Variants in TBL1XR1 observed in about 807,000 individuals in gnomAD.
The protein encoded by TBL1XR1 is F-box-like/WD repeat-containing protein TBL1XR1.
In TBL1XR1, 5 loss-of-function variants were observed where a neutral mutation model predicts 66.9. That is an observed-to-expected ratio of 0.07 (90% CI 0.04 to 0.16). TBL1XR1 has a LOEUF of 0.16. Among genes scored for constraint, TBL1XR1 ranks in the 10% least tolerant of loss-of-function variants. TBL1XR1 has a pLI of 1.00. For missense variants in TBL1XR1, 238 were observed against 623.2 expected (o/e 0.38, Z 6.58); for synonymous variants, 210 against 206.0 (o/e 1.02, Z -0.17).
chr3:177,079,946 C>T (rs1721193283), intron 2 of TBL1XR1: 1 of 152,076 alleles, frequency 6.6e-6, no homozygotes, highest in Non-Finnish European at 1.5e-5. Context: ...GTTTCCTCAT[C>T]TGTAAAATGA....
At chr3:177,059,058 T>C (rs934843404) in intron 3 of TBL1XR1, among the ~76,000 whole-genome samples, 1 of 152,248 alleles carries the variant, frequency 6.6e-6, no homozygotes, top group Non-Finnish European at 1.5e-5. Context: ...CAAAACTATA[T>C]ACCTACTTGC....
intron 1 of TBL1XR1, among the ~76,000 whole-genome samples, chr3:177,133,659 T>C (rs939982643): frequency 6.6e-6 from 1 of 152,062 alleles, no homozygotes; most frequent in Non-Finnish European, 1.5e-5. Flanking sequence ...GCCAACACTT[T>C]GAGAGGCGGA....
At chr3:177,175,946 A>G (rs1734098078) in intron 1 of TBL1XR1, among the ~76,000 whole-genome samples, 1 of 151,252 alleles carries the variant, frequency 6.6e-6, no homozygotes, top group Non-Finnish European at 1.5e-5. Flanking sequence ...AGTCCCAGCT[A>G]CTCAGGAGGC....
chr3:177,106,061 T>C (rs902685850), intron 1 of TBL1XR1, among the ~76,000 whole-genome samples: 7 of 151,276 alleles, frequency 4.6e-5, no homozygotes, highest in African/African-American at 1.7e-4. Flanking sequence ...ACTCAATCTG[T>C]CTCCCAAAAA....
At chr3:177,087,513 G>C (rs542548825) in intron 2 of TBL1XR1, among the ~76,000 whole-genome samples, 30 of 152,190 alleles carry the variant, frequency 2.0e-4, no homozygotes, top group Middle Eastern at 6.8e-3. Flanking sequence ...AGAGAAAATA[G>C]GCATGGTGAA....
In TBL1XR1 at chr3:177,047,156, T is replaced by G. The variant is rs116367511; in HGVS notation, c.864+144A>C. ...GTAAGTAGATTCAGAAATGAGCTGA[T>G]AGACCTAAGGAGTATTTCTAGCATA... On this transcript the variant is annotated intron_variant, in intron 9 of 15. Transcript: ENST00000457928. The G allele has an allele frequency of 1.3e-3, 795 of 631,462 alleles. 4 individuals carry two copies. The highest frequency in any genetic ancestry group is 0.012 in the African/African-American group (674 of 54,472). The allele number at this position is 631,462 out of a possible 1,614,324, so 39.1% of individuals were successfully genotyped here.
chr3:177,051,589 G>C lies in TBL1XR1; in HGVS notation c.342C>G (p.Ala114=), dbSNP rs780887368. The C allele has an allele frequency of 1.2e-6, 2 of 1,612,112 alleles. No individual in the cohort carries two copies. The highest frequency in any genetic ancestry group is 3.3e-4 in the Middle Eastern group (2 of 6,058). The stretch of plus-strand genomic sequence containing the variant: ...ATCCTTGTTGGCTGGCTGCAGCTGC[G>C]GCAGCTGCAGCAGCTGCTGCCTGTT... ...AQQQAAAAAA[A]AAAASQQGSA... The change falls in exon 5 of 16, where the codon GCC becomes GCG. Residue 114 remains alanine (A), a synonymous_variant. Transcript: ENST00000457928.
At chr3:177,192,356 C>G (rs1015435200) in intron 1 of TBL1XR1, among the ~76,000 whole-genome samples, 4 of 150,314 alleles carry the variant, frequency 2.7e-5, no homozygotes, top group African/African-American at 9.8e-5. Flanking sequence ...GCACTCCAAC[C>G]TGCACTCCAA....
At chr3:177,103,029 G>A (rs1326212138) in intron 1 of TBL1XR1, among the ~76,000 whole-genome samples, 2 of 152,144 alleles carry the variant, frequency 1.3e-5, no homozygotes, top group African/African-American at 4.8e-5. Context: ...TATATATGCT[G>A]ATAAAATGTT....
chr3:177,050,160 T>C, intron 6 of TBL1XR1, 22 bp from the exon 7 acceptor site: 1 of 1,610,038 alleles, frequency 6.2e-7, no homozygotes, highest in Non-Finnish European at 8.5e-7. Context: ...TGCAATATAT[T>C]TTAGATCCTC....
At chr3:177,056,339 A>G (rs1332532783) in intron 3 of TBL1XR1, among the ~76,000 whole-genome samples, 1 of 152,220 alleles carries the variant, frequency 6.6e-6, no homozygotes, top group Non-Finnish European at 1.5e-5. Flanking sequence ...GAATAGTCTA[A>G]GACTTGCAGG....
At chr3:177,083,648 TACCACCTAC>T (rs1721728643) in intron 2 of TBL1XR1, among the ~76,000 whole-genome samples, 1 of 152,212 alleles carries the variant, frequency 6.6e-6, no homozygotes, top group East Asian at 1.9e-4. Flanking sequence ...TCCACATAGC[TACCACCTAC>T]AATTTAAAAT....
chr3:177,175,050 A>C (rs1374131062), intron 1 of TBL1XR1, among the ~76,000 whole-genome samples: 9 of 152,192 alleles, frequency 5.9e-5, no homozygotes. Context: ...TTATTCCCTG[A>C]CACCTGCCTT....
At chr3:177,076,915 C>T (rs1174507279) in intron 2 of TBL1XR1, among the ~76,000 whole-genome samples, 1 of 152,186 alleles carries the variant, frequency 6.6e-6, no homozygotes, top group African/African-American at 2.4e-5. Flanking sequence ...CAGTGGAATT[C>T]CAGATGATGT....
intron 1 of TBL1XR1, among the ~76,000 whole-genome samples, chr3:177,122,305 A>G (rs1459170927): frequency 7.0e-6 from 1 of 143,594 alleles, no homozygotes; most frequent in Admixed American, 7.0e-5. Flanking sequence ...AAAAAAAAAC[A>G]CTGTAAGCCT....
intron 5 of TBL1XR1, 81 bp from the exon 6 acceptor site, chr3:177,050,691 T>C: frequency 6.7e-7 from 1 of 1,488,152 alleles, no homozygotes; most frequent in Non-Finnish European, 9.3e-7. Flanking sequence ...AACTAGCAAA[T>C]ACCTTCCTTT....
intron 1 of TBL1XR1, among the ~76,000 whole-genome samples, chr3:177,102,572 T>C (rs552502594): frequency 3.3e-5 from 5 of 152,180 alleles, no homozygotes; most frequent in African/African-American, 7.2e-5. Context: ...ACAATGTATA[T>C]TGAAACTATT....
At chr3:177,186,850 C>G (rs1245465650) in intron 1 of TBL1XR1, among the ~76,000 whole-genome samples, 1 of 152,178 alleles carries the variant, frequency 6.6e-6, no homozygotes, top group Non-Finnish European at 1.5e-5. Flanking sequence ...CTTTGGGAGC[C>G]TGAGGCTGGC....
chr3:177,131,906 TAAAAA>T lies in TBL1XR1; in HGVS notation c.-121-33370_-121-33366del, dbSNP rs71626253. Reference sequence around the variant, plus strand: ...TGGCATTTACATTCTAGTGGAAGTTTAAAAAAAAAAAAAAAAAAGGAAACACAAAG... The same window carrying T: ...TGGCATTTACATTCTAGTGGAAGTTTAAAAAAAAAAAAAGGAAACACAAAG... On this transcript the variant is annotated intron_variant, in intron 1 of 15. Transcript: ENST00000457928. 3.7e-3 allele frequency among the ~76,000 whole-genome samples: 536 copies of T among 145,014 alleles called. 4 individuals carry two copies. The highest frequency in any genetic ancestry group is 0.013 in the African/African-American group (495 of 39,128).
Sources: gnomAD v4.1 joint callset for allele counts (sites outside exome capture counted in the v4.1 genomes callset) on GRCh38, gnomAD v4.1.1 for gene constraint, MANE v1.5 for transcripts, NCBI Gene and HGNC (gene_info 2026-07-23, HGNC 2026-07-21) for gene names.